The following NUS1 variants were observed in gnomAD, a reference collection of about 807,000 sequenced individuals.
NUS1 encodes dehydrodolichyl diphosphate synthase complex subunit NUS1.
For missense variants in NUS1, 292 were observed against 382.9 expected (o/e 0.76, Z 1.98); for synonymous variants, 135 against 155.2 (o/e 0.87, Z 0.97).
At chr6:117,687,644 A>G (rs1773159911) in intron 1 of NUS1, among the ~76,000 whole-genome samples, 1 of 152,130 alleles carries the variant, frequency 6.6e-6, no homozygotes, top group Non-Finnish European at 1.5e-5. Flanking sequence ...GGTTGGAGTC[A>G]CTCCATGTGT....
intron 1 of NUS1, among the ~76,000 whole-genome samples, chr6:117,677,800 T>C (rs1350212722): frequency 6.6e-6 from 1 of 152,200 alleles, no homozygotes; most frequent in African/African-American, 2.4e-5. Context: ...ATAGAAATCA[T>C]GAGACTGTTA....
At chr6:117,677,072 G>A (rs1156933322) in intron 1 of NUS1, among the ~76,000 whole-genome samples, 2 of 152,192 alleles carry the variant, frequency 1.3e-5, no homozygotes, top group African/African-American at 4.8e-5. Context: ...TGTTTTGATT[G>A]AGGGAATGAA....
intron 1 of NUS1, among the ~76,000 whole-genome samples, chr6:117,683,633 A>G (rs1390741326): frequency 1.3e-5 from 2 of 151,558 alleles, no homozygotes; most frequent in Non-Finnish European, 2.9e-5. Context: ...GATTGTTTCA[A>G]TGCTTATCTC....
In NUS1 at chr6:117,690,252, TAG is replaced by T. The variant is rs1315586946; in HGVS notation, c.416-2787_416-2786del. ...ATGTTCACTTTTATATTTCCACGCT[TAG>T]AGTCTTATGATTGTGGGCTTTCATA... On this transcript the variant is annotated intron_variant, in intron 1 of 4. Coordinates refer to ENST00000368494, the MANE Select transcript of NUS1 (RefSeq NM_138459.5). Among the ~76,000 whole-genome samples the T allele has an allele frequency of 1.3e-5, 2 of 152,202 alleles. 1 individual carries two copies. Among genetic ancestry groups the T allele is most frequent in the Non-Finnish European group, 2.9e-5 (2 of 68,040 alleles).
intron 3 of NUS1, among the ~76,000 whole-genome samples, chr6:117,701,509 G>A (rs767704446): frequency 2.6e-5 from 4 of 152,104 alleles, no homozygotes; most frequent in Non-Finnish European, 5.9e-5. Flanking sequence ...CTCCCAAAGT[G>A]CTGGGATTAC....
chr6:117,683,189 G>A (rs1183985385), intron 1 of NUS1, among the ~76,000 whole-genome samples: 2 of 152,156 alleles, frequency 1.3e-5, no homozygotes, highest in Non-Finnish European at 2.9e-5. Flanking sequence ...GTGCTGACAA[G>A]CTAGGACTTA....
At chr6:117,705,905 GT>G (rs1773493359) in intron 4 of NUS1, among the ~76,000 whole-genome samples, 1 of 152,158 alleles carries the variant, frequency 6.6e-6, no homozygotes, top group African/African-American at 2.4e-5. Flanking sequence ...GGAATTAGAA[GT>G]GGATGACTTA....
intron 3 of NUS1, among the ~76,000 whole-genome samples, chr6:117,699,392 A>C (rs1773366418): frequency 6.6e-6 from 1 of 152,220 alleles, no homozygotes; most frequent in African/African-American, 2.4e-5. Flanking sequence ...TCACATTTAT[A>C]ATAGATACAA....
intron 1 of NUS1, among the ~76,000 whole-genome samples, chr6:117,690,372 C>T (rs190885507): frequency 6.6e-6 from 1 of 152,090 alleles, no homozygotes; most frequent in Non-Finnish European, 1.5e-5. Context: ...AATCGTTATT[C>T]TTGTGTATAT....
chr6:117,683,855 T>C (rs1160307998), intron 1 of NUS1, among the ~76,000 whole-genome samples: 4 of 152,198 alleles, frequency 2.6e-5, no homozygotes, highest in African/African-American at 9.6e-5. Context: ...AGATAAGATT[T>C]GCTGATGGAA....
At chr6:117,695,149 G>A (rs144423069) in intron 3 of NUS1, among the ~76,000 whole-genome samples, 65 of 123,028 alleles carry the variant, frequency 5.3e-4, no homozygotes, top group African/African-American at 1.9e-3. Context: ...AGCCAAGATC[G>A]CATCAGTACA....
At chr6:117,678,514 A>T (rs1261432888) in intron 1 of NUS1, among the ~76,000 whole-genome samples, 3 of 152,120 alleles carry the variant, frequency 2.0e-5, no homozygotes, top group Non-Finnish European at 2.9e-5. Context: ...GGAAGATAGG[A>T]ATGTTGAAAG....
chr6:117,676,143 G>C lies in NUS1; in HGVS notation c.415+58G>C, dbSNP rs1274899017. Reference sequence around the variant, plus strand: ...AGGCGTCTTGGACCGCTAGACCGCTGGTCTGGCGGGTGGTGCCCATGGCAC... The same window carrying C: ...AGGCGTCTTGGACCGCTAGACCGCTCGTCTGGCGGGTGGTGCCCATGGCAC... On this transcript the variant is annotated intron_variant, in intron 1 of 4. Transcript: ENST00000368494. The C allele has an allele frequency of 3.2e-6, 5 of 1,548,058 alleles. No individual in the cohort carries two copies. The Admixed American group carries it at 7.9e-5, about 24-fold the overall frequency.
rs1477042424 is a variant in NUS1, at chr6:117,708,723, A to G, written c.*1708A>G. ...CTAACCAGAGAATTTCTGATTCCTT[A>G]TACTGTGATTATATTATATTGAGGC... is the stretch of plus-strand genomic sequence containing the variant. On this transcript the variant is annotated 3_prime_UTR_variant, in exon 5 of 5. Transcript: ENST00000368494. The G allele has an allele frequency of 1.3e-5, 2 of 152,032 alleles. No individual in the cohort carries two copies. The highest frequency in any genetic ancestry group is 6.6e-5 in the Admixed American group (1 of 15,222). The allele number at this position is 152,032 out of a possible 1,614,324, so 9.4% of individuals were successfully genotyped here.
intron 1 of NUS1, among the ~76,000 whole-genome samples, chr6:117,683,984 A>G (rs899468934): frequency 2.6e-5 from 4 of 152,202 alleles, no homozygotes; most frequent in African/African-American, 9.7e-5. Context: ...CCTAGTAGGT[A>G]GATTAGGCAA....
At chr6:117,695,966 G>A (rs1463572918) in intron 3 of NUS1, among the ~76,000 whole-genome samples, 1 of 151,964 alleles carries the variant, frequency 6.6e-6, no homozygotes, top group African/African-American at 2.4e-5. Context: ...TGCACATGTG[G>A]TTTGTTTCCA....
chr6:117,692,357 T>TTA (rs956755605), intron 1 of NUS1, among the ~76,000 whole-genome samples: 4 of 152,070 alleles, frequency 2.6e-5, no homozygotes, highest in Non-Finnish European at 4.4e-5. Context: ...TTCCTTTTTT[T>TTA]TTAGTCAGAG....
chr6:117,681,288 A>T (rs1773058354), intron 1 of NUS1, among the ~76,000 whole-genome samples: 1 of 152,128 alleles, frequency 6.6e-6, no homozygotes, highest in Admixed American at 6.5e-5. Context: ...AAACTTTCTT[A>T]CTAGATTATA....
intron 4 of NUS1, among the ~76,000 whole-genome samples, chr6:117,704,430 C>T (rs188073079): frequency 7.2e-5 from 11 of 152,200 alleles, no homozygotes; most frequent in East Asian, 1.9e-4. Context: ...CTTTTCAGGC[C>T]GTACAGTCAC....
Sources: gnomAD v4.1 joint callset for allele counts (sites outside exome capture counted in the v4.1 genomes callset) on GRCh38, gnomAD v4.1.1 for gene constraint, MANE v1.5 for transcripts, NCBI Gene and HGNC (gene_info 2026-07-23, HGNC 2026-07-21) for gene names.